Variants in C13orf46 observed in about 807,000 individuals in gnomAD.
The protein encoded by C13orf46 is uncharacterized protein C13orf46.
intron 1 of C13orf46, among the ~76,000 whole-genome samples, chr13:113,970,871 G>T (rs1487453467): frequency 1.3e-5 from 2 of 152,200 alleles, no homozygotes; most frequent in Non-Finnish European, 2.9e-5. Flanking sequence ...GGTGCTCCCG[G>T]CAGGAACCCA....
chr13:113,943,536 A>G, the C13orf46 span, among the ~76,000 whole-genome samples: 1 of 152,160 alleles, frequency 6.6e-6, no homozygotes, highest in African/African-American at 2.4e-5. Context: ...GCAGCTTCAG[A>G]GGGCTGTGAA....
chr13:113,941,769 G>A, the C13orf46 span, among the ~76,000 whole-genome samples: 9 of 152,192 alleles, frequency 5.9e-5, no homozygotes, highest in Non-Finnish European at 1.0e-4. Context: ...AGCTGCGCAG[G>A]GTCCCTGGCC....
intron 6 of C13orf46, among the ~76,000 whole-genome samples, chr13:113,963,157 C>A (rs1434782117): frequency 6.6e-6 from 1 of 151,950 alleles, no homozygotes; most frequent in Non-Finnish European, 1.5e-5. Flanking sequence ...ACAGCTGCAG[C>A]CCCTGTCCTC....
At chr13:113,950,201 A>G (rs1476277686), downstream of C13orf46, among the ~76,000 whole-genome samples, 4 of 77,364 alleles carry the variant, frequency 5.2e-5, no homozygotes, top group South Asian at 4.5e-4. Flanking sequence ...TGGGGTCCTC[A>G]CCCCCTGCCT....
the C13orf46 span, among the ~76,000 whole-genome samples, chr13:113,946,602 G>A: frequency 1.3e-5 from 2 of 152,226 alleles, no homozygotes; most frequent in African/African-American, 4.8e-5. Flanking sequence ...GGTCCAGGGA[G>A]GACCCCAGGG....
the C13orf46 span, among the ~76,000 whole-genome samples, chr13:113,933,031 A>G: frequency 1.3e-5 from 2 of 151,944 alleles, no homozygotes; most frequent in Admixed American, 1.3e-4. Flanking sequence ...TGCCCAGAAA[A>G]TTTTTGTATT....
At chr13:113,971,051 G>A (rs918819208) in intron 1 of C13orf46, among the ~76,000 whole-genome samples, 3 of 152,234 alleles carry the variant, frequency 2.0e-5, no homozygotes, top group Non-Finnish European at 4.4e-5. Context: ...GAAGTCATGT[G>A]GCAGAGGATT....
At chr13:113,942,086 C>T in the C13orf46 span, among the ~76,000 whole-genome samples, 43 of 152,244 alleles carry the variant, frequency 2.8e-4, no homozygotes, top group Non-Finnish European at 1.3e-4. Flanking sequence ...CTGCCAAAGG[C>T]CGATCATGGT....
chr13:113,942,625 G>A, the C13orf46 span, among the ~76,000 whole-genome samples: 1 of 152,172 alleles, frequency 6.6e-6, no homozygotes. Flanking sequence ...TCCATGCCCA[G>A]CCCCCAGGAC....
At chr13:113,927,578 C>CGT in the C13orf46 span, 1 of 398,528 alleles carries the variant, frequency 2.5e-6, no homozygotes, top group Non-Finnish European at 4.4e-6. Flanking sequence ...ATGGAGCGAC[C>CGT]GTCTACACAG....
At chr13:113,961,595 G>A (rs2052587397) in intron 6 of C13orf46, among the ~76,000 whole-genome samples, 1 of 151,954 alleles carries the variant, frequency 6.6e-6, no homozygotes, top group Non-Finnish European at 1.5e-5. Flanking sequence ...ATCAGCTCTA[G>A]TCCAAAACTG....
the C13orf46 span, among the ~76,000 whole-genome samples, chr13:113,946,518 G>C: frequency 6.6e-6 from 1 of 152,226 alleles, no homozygotes. Context: ...CGTCAGCCGG[G>C]TGAGGTGGTC....
chr13:113,941,946 T>C, the C13orf46 span, among the ~76,000 whole-genome samples: 1 of 152,218 alleles, frequency 6.6e-6, no homozygotes. Context: ...GGCTGACTCA[T>C]TGCTCCTCCA....
At chr13:113,961,349 G>C (rs1020626161) in intron 6 of C13orf46, among the ~76,000 whole-genome samples, 29 of 151,690 alleles carry the variant, frequency 1.9e-4, no homozygotes, top group African/African-American at 6.8e-4. Context: ...AACTATATTT[G>C]TATGGGCATG....
chr13:113,951,124 AG>A (rs1347839716), downstream of C13orf46, among the ~76,000 whole-genome samples: 3 of 152,206 alleles, frequency 2.0e-5, no homozygotes, highest in Non-Finnish European at 4.4e-5. Flanking sequence ...GGGGAGGCCC[AG>A]CCTCTATGAG....
chr13:113,964,169 G>A (rs1018128916), intron 6 of C13orf46, among the ~76,000 whole-genome samples: 4 of 152,280 alleles, frequency 2.6e-5, no homozygotes, highest in African/African-American at 7.2e-5. Context: ...TTATAAAGCC[G>A]ATAGAACAAT....
At chr13:113,944,602 G>A in the C13orf46 span, among the ~76,000 whole-genome samples, 1 of 150,892 alleles carries the variant, frequency 6.6e-6, no homozygotes, top group South Asian at 2.1e-4. Flanking sequence ...CTGCAGGTGT[G>A]TGACAAGTCC....
At chr13:113,962,478 C>A (rs1297734808) in intron 6 of C13orf46, among the ~76,000 whole-genome samples, 1 of 152,232 alleles carries the variant, frequency 6.6e-6, no homozygotes, top group Non-Finnish European at 1.5e-5. Flanking sequence ...TGAGCTGATG[C>A]CCATTCATTA....
the C13orf46 span, among the ~76,000 whole-genome samples, chr13:113,938,643 C>G: frequency 0.17 from 26,098 of 152,118 alleles, 2,601 homozygotes; most frequent in African/African-American, 0.24. Context: ...CCTGTTCAAG[C>G]GTCCTGGGGG....
Sources: gnomAD v4.1 joint callset for allele counts (sites outside exome capture counted in the v4.1 genomes callset) on GRCh38, gnomAD v4.1.1 for gene constraint, MANE v1.5 for transcripts, NCBI Gene and HGNC (gene_info 2026-07-23, HGNC 2026-07-21) for gene names.